Variants in VPS39 observed in about 807,000 individuals in gnomAD.
The protein encoded by VPS39 is vam6/Vps39-like protein.
VPS39 carries 70 observed loss-of-function variants against 121.0 expected under a neutral mutation model. That is an observed-to-expected ratio of 0.58 (90% CI 0.48 to 0.71). The LOEUF (loss-of-function observed/expected upper bound fraction) is 0.71, where lower values mean the gene tolerates loss of function less well. Among genes scored for constraint, VPS39 ranks in the 30% least tolerant of loss-of-function variants. VPS39 has a pLI of 0.00. For missense variants in VPS39, 818 were observed against 1,051.5 expected, an observed-to-expected ratio of 0.78 and a Z score of 3.07; for synonymous variants, 378 against 398.1, an observed-to-expected ratio of 0.95 and a Z score of 0.60.
intron 2 of VPS39, among the ~76,000 whole-genome samples, chr15:42,198,409 G>A (rs911208724): frequency 1.6e-4 from 24 of 152,088 alleles, no homozygotes; most frequent in Admixed American, 1.5e-3. Flanking sequence ...GGAGAGCAAT[G>A]GTGTGATCAT....
rs1464065090 is a variant in VPS39, at chr15:42,161,984, T to C, written c.2460+48A>G. On this transcript the variant is annotated intron_variant, in intron 23 of 24. Transcript: ENST00000318006. Reference sequence around the variant, plus strand: ...AAGGGAACATGTGGACATTGTCTCATACTAAAAGTTAAAAGCCCACCCTAG... The same window carrying C: ...AAGGGAACATGTGGACATTGTCTCACACTAAAAGTTAAAAGCCCACCCTAG... The C allele has an allele frequency of 2.5e-6, 4 of 1,611,702 alleles. No individual in the cohort carries two copies. The African/African-American group carries it at 4.0e-5, about 16-fold the overall frequency.
intron 1 of VPS39, among the ~76,000 whole-genome samples, chr15:42,206,085 C>G (rs551101560): frequency 2.0e-5 from 3 of 152,168 alleles, no homozygotes; most frequent in Non-Finnish European, 4.4e-5. Flanking sequence ...GCTGAAAAGG[C>G]AGCAGGATTA....
chr15:42,173,505 T>C (rs990082177), intron 11 of VPS39: 18 of 462,304 alleles, frequency 3.9e-5, no homozygotes, highest in South Asian at 1.7e-4. Context: ...TACTGGAAAA[T>C]TGGGAGTCCA....
intron 10 of VPS39, among the ~76,000 whole-genome samples, chr15:42,175,337 G>A (rs1001466877): frequency 1.3e-5 from 2 of 151,760 alleles, no homozygotes; most frequent in African/African-American, 2.4e-5. Flanking sequence ...GAACCCGGGA[G>A]GCGGAGGTTG....
chr15:42,181,694 T>C (rs1303699168), intron 8 of VPS39, among the ~76,000 whole-genome samples: 1 of 152,020 alleles, frequency 6.6e-6, no homozygotes, highest in East Asian at 1.9e-4. Context: ...TCTAATTTGC[T>C]AATATTTCTA....
At chr15:42,176,019 G>A (rs774447989) in intron 10 of VPS39, among the ~76,000 whole-genome samples, 24 of 152,126 alleles carry the variant, frequency 1.6e-4, no homozygotes, top group Non-Finnish European at 3.5e-4. Flanking sequence ...CCCTCTGAAA[G>A]TTCCATTATG....
At chr15:42,179,038 T>C (rs769186557) in intron 8 of VPS39, 1 of 155,756 alleles carries the variant, frequency 6.4e-6, no homozygotes, top group African/African-American at 2.4e-5. Context: ...AAAATTGCTT[T>C]GCTTGAGTTA....
At chr15:42,199,818 C>A in intron 2 of VPS39, 78 bp downstream of exon 2, 1 of 1,444,500 alleles carries the variant, frequency 6.9e-7, no homozygotes, top group South Asian at 1.4e-5. Context: ...TTTTAATGGT[C>A]CAGGAATAAC....
At chr15:42,165,265 C>T in intron 17 of VPS39, 152 bp from the exon 18 acceptor site, 1 of 688,120 alleles carries the variant, frequency 1.5e-6, no homozygotes, top group Non-Finnish European at 2.5e-6. Flanking sequence ...CGTCTAAAGC[C>T]ACCAGGAAGT....
chr15:42,208,073 C>T lies in VPS39; in HGVS notation c.73+8G>A. On this transcript the variant is annotated splice_region_variant and intron_variant, in intron 1 of 24. Transcript: ENST00000318006. ...ACTCCGCCTCGGCCCCGCGGCCCCT[C>T]GGCTCACCCCAGGCAGCCAGACAGT... The T allele has an allele frequency of 6.3e-7, 1 of 1,575,484 alleles. No homozygotes were observed. Among genetic ancestry groups the T allele is most frequent in the East Asian group, 2.3e-5 (1 of 42,784 alleles).
In VPS39 at chr15:42,169,856, A is replaced by G. The variant is rs1037317111; in HGVS notation, c.1101T>C (p.His367=). The change falls in exon 12 of 25, where the codon CAT becomes CAC. Residue 367 remains histidine (H), a synonymous_variant. Coordinates refer to ENST00000318006, the MANE Select transcript of VPS39 (RefSeq NM_015289.5). ...VFAKLGTDPT[H]VMGLYPDLLP... ...GCAGGTCAGGGTACAGGCCCATCACATGGGTGGGATCTATATGGAAGGTAA... is the reference window on the plus strand; with the variant it reads ...GCAGGTCAGGGTACAGGCCCATCACGTGGGTGGGATCTATATGGAAGGTAA... 3.1e-6 allele frequency: 5 copies of G among 1,611,742 alleles called. No individual in the cohort carries two copies. In the African/African-American group the frequency reaches 5.3e-5, roughly 17 times the overall value.
Position 42,166,823 on chromosome 15 carries a change from T to C in VPS39, c.1468A>G (p.Lys490Glu). ...TACAGGATGATAAGCTCACTGTACT[T>C]GTGAGCCTTCTTTAGCACGTGCTCG... ...ESEHVLKKAH[K>E]YSELIILYEK... Residue 490 changes from lysine to glutamate, a missense_variant, in exon 14 of 25, where the codon AAG (lysine) becomes GAG (glutamate). Coordinates refer to ENST00000318006, the MANE Select transcript of VPS39 (RefSeq NM_015289.5). 1.2e-6 allele frequency: 2 copies of C among 1,614,204 alleles called. No homozygotes were observed. The highest frequency in any genetic ancestry group is 1.7e-6 in the Non-Finnish European group (2 of 1,180,020).
Position 42,187,305 on chromosome 15 carries a change from CAGAT to C in VPS39, c.496_499del (p.Ile166ValfsTer10). 1 of 1,613,328 alleles carries C rather than the reference CAGAT, an allele frequency of 6.2e-7. No homozygotes were observed. The highest frequency in any genetic ancestry group is 8.5e-7 in the Non-Finnish European group (1 of 1,179,856). On this transcript the variant is annotated frameshift_variant, in exon 7 of 25. Transcript: ENST00000318006. LOFTEE classifies it high-confidence loss of function. The stretch of plus-strand genomic sequence containing the variant: ...GTAGTAGTCTCTCTTGAAACCCACA[CAGAT>C]AGAATTTTCACACCACGCCATGGAC...
chr15:42,190,761 C>T (rs1195661046), intron 4 of VPS39, among the ~76,000 whole-genome samples: 1 of 152,208 alleles, frequency 6.6e-6, no homozygotes, highest in Non-Finnish European at 1.5e-5. Context: ...CTGTAACTTA[C>T]CACATTGTAT....
At chr15:42,196,442 T>C (rs956822445) in intron 2 of VPS39, among the ~76,000 whole-genome samples, 42 of 152,124 alleles carry the variant, frequency 2.8e-4, no homozygotes, top group African/African-American at 9.7e-4. Context: ...GGCTAATATC[T>C]AGAATCTACA....
At position 42,167,502 on chromosome 15, in the gene VPS39, A is replaced by G. The variant is rs370702899; in HGVS notation, c.1269T>C (p.Ser423=). Residue 423 remains serine (S), a synonymous_variant, in exon 13 of 25, where the codon TCT becomes TCC. Transcript: ENST00000318006. ...RSQLVKKLND[S]DHQSSTSPLM... Reference sequence around the variant, plus strand: ...GCGGTGAGGTGCTTGACTGGTGATCAGAGTCATTCAGCTTCTTTACCAATT... The same window carrying G: ...GCGGTGAGGTGCTTGACTGGTGATCGGAGTCATTCAGCTTCTTTACCAATT... 29 of 1,614,018 alleles carry G rather than the reference A, an allele frequency of 1.8e-5. No homozygotes were observed. In the African/African-American group the frequency reaches 3.5e-4, roughly 19 times the overall value.
At position 42,165,826 on chromosome 15, in the gene VPS39, T is replaced by C; in HGVS notation, c.1681-10A>G. ...GATCTTCAGTAAATATCTGTTAGAA[T>C]GAACCCGAGTTCCAGCAGCAGAACC... On this transcript the variant is annotated splice_polypyrimidine_tract_variant and intron_variant, in intron 16 of 24. Transcript: ENST00000318006. 1 of 1,612,090 alleles carries C rather than the reference T, an allele frequency of 6.2e-7. No individual in the cohort carries two copies. Among genetic ancestry groups the C allele is most frequent in the South Asian group, 1.1e-5 (1 of 91,052 alleles).
At chr15:42,184,470 C>T in intron 8 of VPS39, 47 bp downstream of exon 8, 1 of 1,540,684 alleles carries the variant, frequency 6.5e-7, no homozygotes, top group Non-Finnish European at 8.7e-7. Flanking sequence ...AGGAATGGCA[C>T]ACAACCTCAA....
At chr15:42,202,236 T>C (rs1210926237) in intron 1 of VPS39, among the ~76,000 whole-genome samples, 1 of 152,198 alleles carries the variant, frequency 6.6e-6, no homozygotes, top group Non-Finnish European at 1.5e-5. Context: ...ATCAATAGTA[T>C]TTCTCCAGGA....
Sources: gnomAD v4.1 joint callset for allele counts (sites outside exome capture counted in the v4.1 genomes callset) on GRCh38, gnomAD v4.1.1 for gene constraint, MANE v1.5 for transcripts, NCBI Gene and HGNC (gene_info 2026-07-23, HGNC 2026-07-21) for gene names.